The following SCARB1 variants were observed in gnomAD, a reference collection of about 807,000 sequenced individuals.
SCARB1 encodes scavenger receptor class B member 1, also known as CD36 and LIMPII analogous 1.
A neutral mutation model predicts 57.2 loss-of-function variants in SCARB1; 30 were observed. The ratio of observed to expected loss-of-function variants is 0.52; its 90% CI spans 0.39 to 0.71. SCARB1 has a LOEUF of 0.71. Among genes scored for constraint, SCARB1 ranks in the 30% least tolerant of loss-of-function variants. The pLI, the probability that SCARB1 is intolerant of heterozygous loss-of-function variation, is 0.00. For synonymous variants in SCARB1, 249 were observed against 268.3 expected, an observed-to-expected ratio of 0.93 and a Z score of 0.70; for missense variants, 543 against 671.2, an observed-to-expected ratio of 0.81 and a Z score of 2.11.
At chr12:124,803,689 C>CAAA (rs58564503) in intron 7 of SCARB1, among the ~76,000 whole-genome samples, 15 of 47,694 alleles carry the variant, frequency 3.1e-4, no homozygotes, top group African/African-American at 5.7e-4. Context: ...CCCACCTCTA[C>CAAA]AAAAAAAAAA....
In SCARB1 at chr12:124,814,694, A is replaced by G. The variant is rs1391128268; in HGVS notation, c.426+279T>C. On this transcript the variant is annotated intron_variant, in intron 3 of 12. Transcript: ENST00000261693. The surrounding 1 kb of genome is among the most constrained non-coding windows in gnomAD (Gnocchi z 4.7). ...AGGCGGGCCTGTGGCTCAGCCCTCA[A>G]CAAGACAGCCCCTTTTGGAGATCTC... Among the ~76,000 whole-genome samples the G allele has an allele frequency of 2.0e-5, 3 of 152,230 alleles. No homozygotes were observed. Among genetic ancestry groups the G allele is most frequent in the Non-Finnish European group, 2.9e-5 (2 of 68,042 alleles).
chr12:124,808,288 T>C (rs1594257082), intron 6 of SCARB1, among the ~76,000 whole-genome samples: 1 of 152,172 alleles, frequency 6.6e-6, no homozygotes, highest in African/African-American at 2.4e-5. Flanking sequence ...AGACCCAGTC[T>C]CTAAAAATAA....
At chr12:124,846,884 T>C (rs1174825985) in intron 1 of SCARB1, among the ~76,000 whole-genome samples, 1 of 151,814 alleles carries the variant, frequency 6.6e-6, no homozygotes, top group Non-Finnish European at 1.5e-5. Context: ...CCATATGAAG[T>C]AACACCAGCA....
chr12:124,835,961 C>T (rs540166959), intron 1 of SCARB1, among the ~76,000 whole-genome samples: 1 of 152,360 alleles, frequency 6.6e-6, no homozygotes, highest in South Asian at 2.1e-4. Flanking sequence ...GCCCTTCCCC[C>T]ATGTATGTTC....
Position 124,849,850 on chromosome 12 carries a change from G to A in SCARB1, c.126+13745C>T, listed in dbSNP as rs184633253. 4.5e-3 allele frequency among the ~76,000 whole-genome samples: 678 copies of A among 151,042 alleles called. 9 individuals carry two copies. Among genetic ancestry groups the A allele is most frequent in the African/African-American group, 0.015 (614 of 41,074 alleles). On this transcript the variant is annotated intron_variant, in intron 1 of 12. Coordinates refer to ENST00000261693, the MANE Select transcript of SCARB1 (RefSeq NM_005505.5). ...GACCAAGGTGGGAGGATTGCTTGAG[G>A]CCAGGAGTTCAAGACCAGCCTGGGC...
intron 1 of SCARB1, among the ~76,000 whole-genome samples, chr12:124,818,928 T>C (rs1228293233): frequency 6.6e-6 from 1 of 152,110 alleles, no homozygotes; most frequent in African/African-American, 2.4e-5. Flanking sequence ...GTGCCAGGAT[T>C]ACAGGCATGA....
intron 2 of SCARB1, among the ~76,000 whole-genome samples, chr12:124,815,612 A>T (rs1403605378): frequency 6.6e-6 from 1 of 152,090 alleles, no homozygotes; most frequent in Non-Finnish European, 1.5e-5. Flanking sequence ...ATGCCTGTAA[A>T]CCCAGCACTT....
intron 5 of SCARB1, among the ~76,000 whole-genome samples, chr12:124,811,400 G>C (rs1481541092): frequency 6.6e-6 from 1 of 152,150 alleles, no homozygotes; most frequent in Non-Finnish European, 1.5e-5. Flanking sequence ...CAGCTCATGA[G>C]TAGCTGGGAT....
intron 1 of SCARB1, among the ~76,000 whole-genome samples, chr12:124,858,449 G>A (rs561272168): frequency 6.6e-6 from 1 of 152,194 alleles, no homozygotes; most frequent in Admixed American, 6.5e-5. Context: ...AATGAGTTGC[G>A]CTTCCCCAAA....
intron 9 of SCARB1, among the ~76,000 whole-genome samples, chr12:124,790,405 A>G (rs568201404): frequency 1.3e-5 from 2 of 150,110 alleles, no homozygotes; most frequent in South Asian, 4.3e-4. Context: ...ACAACAAAAC[A>G]GGGAGGGCTA....
chr12:124,847,309 C>A (rs1283902797), intron 1 of SCARB1, among the ~76,000 whole-genome samples: 3 of 152,222 alleles, frequency 2.0e-5, no homozygotes, highest in Non-Finnish European at 4.4e-5. Context: ...GCCAAGGGAT[C>A]CTGGCTGCAA....
intron 11 of SCARB1, chr12:124,785,731 ATGT>A (rs1949488713): frequency 3.4e-6 from 1 of 291,134 alleles, no homozygotes; most frequent in African/African-American, 2.1e-5. Flanking sequence ...TACTGATTAC[ATGT>A]TGAAGTGATA....
chr12:124,837,558 G>GAAAAGA (rs960019541), intron 1 of SCARB1, among the ~76,000 whole-genome samples: 2 of 40,132 alleles, frequency 5.0e-5, no homozygotes, highest in African/African-American at 1.2e-4. Context: ...GAAAAGAAAA[G>GAAAAGA]AAAAGAAAAG....
In SCARB1 at chr12:124,814,930, G is replaced by A. The variant is rs751037539; in HGVS notation, c.426+43C>T. On this transcript the variant is annotated intron_variant, in intron 3 of 12. Transcript: ENST00000261693. This position sits in a 1 kb window ranked among gnomAD's most constrained non-coding sequence, Gnocchi z 4.7. ...GCAGGCGGGAGGAGAGACAGGGGAC[G>A]AGGTCAGGGTGCGAGGCGGCGTGGG... 23 of 1,612,608 alleles carry A rather than the reference G, an allele frequency of 1.4e-5. 1 individual carries two copies. Among genetic ancestry groups the A allele is most frequent in the South Asian group, 7.7e-5 (7 of 90,988 alleles).
intron 1 of SCARB1, among the ~76,000 whole-genome samples, chr12:124,847,317 C>T (rs1952205719): frequency 2.0e-5 from 3 of 152,212 alleles, no homozygotes; most frequent in African/African-American, 7.2e-5. Flanking sequence ...ATCCTGGCTG[C>T]AATGGGCTCT....
intron 11 of SCARB1, 119 bp from the exon 12 acceptor site, chr12:124,782,930 CCAA>C: frequency 9.8e-7 from 1 of 1,015,990 alleles, no homozygotes; most frequent in South Asian, 1.3e-5. Context: ...AGTTTAGAGT[CCAA>C]CAACCCTCAA....
chr12:124,788,947 T>C (rs965683805), intron 9 of SCARB1, among the ~76,000 whole-genome samples: 2 of 152,148 alleles, frequency 1.3e-5, no homozygotes, highest in African/African-American at 2.4e-5. Context: ...GGAAAAGGCC[T>C]GGAAGGAAGC....
intron 12 of SCARB1, among the ~76,000 whole-genome samples, chr12:124,781,074 CTAATAT>C (rs1473562524): frequency 4.6e-5 from 7 of 152,200 alleles, no homozygotes; most frequent in African/African-American, 1.7e-4. Context: ...GGATCCTCTC[CTAATAT>C]TAACACTCCA....
intron 1 of SCARB1, among the ~76,000 whole-genome samples, chr12:124,842,602 C>T (rs947863437): frequency 9.2e-5 from 14 of 152,240 alleles, no homozygotes; most frequent in Non-Finnish European, 1.9e-4. Context: ...CTGTCAGGCC[C>T]AGAGGAAACG....
Sources: gnomAD v4.1 joint callset for allele counts (sites outside exome capture counted in the v4.1 genomes callset) on GRCh38, gnomAD v4.1.1 for gene constraint, Gnocchi (gnomAD v3.1) non-coding constraint, MANE v1.5 for transcripts, NCBI Gene and HGNC (gene_info 2026-07-23, HGNC 2026-07-21) for gene names.